The following CCSAP variants were observed in gnomAD, a reference collection of about 807,000 sequenced individuals.
CCSAP encodes the protein centriole, cilia and spindle-associated protein.
Under a neutral mutation model 25.9 loss-of-function variants are expected in CCSAP, and 17 were observed. The ratio of observed to expected loss-of-function variants is 0.66; its 90% CI spans 0.45 to 0.99. The LOEUF (loss-of-function observed/expected upper bound fraction) is 0.99. Ranked by LOEUF, CCSAP falls within the 50% of genes least tolerant of loss-of-function variation. The pLI is 0.00. For synonymous variants in CCSAP, 169 were observed against 157.1 expected (o/e 1.08, Z -0.57); for missense variants, 339 against 367.8 (o/e 0.92, Z 0.64).
At chr1:229,329,327 G>C (rs1658013735) in intron 2 of CCSAP, among the ~76,000 whole-genome samples, 1 of 152,246 alleles carries the variant, frequency 6.6e-6, no homozygotes, top group Non-Finnish European at 1.5e-5. Context: ...GAACAGGAAA[G>C]AGAATTCCAG....
rs910903658 is a variant in CCSAP, at chr1:229,321,686, C to G, written c.*3549G>C. On this transcript the variant is annotated 3_prime_UTR_variant, in exon 4 of 4. Coordinates refer to ENST00000284617, the MANE Select transcript of CCSAP (RefSeq NM_145257.5). The stretch of plus-strand genomic sequence containing the variant: ...AAACTATCCATCAAACTGTTTTTTA[C>G]CAAAGCAGTCAACAAGAAAAATTGT... The G allele has an allele frequency of 6.6e-6, 1 of 152,120 alleles. No homozygotes were observed. The highest frequency in any genetic ancestry group is 1.5e-5 in the Non-Finnish European group (1 of 68,018). 9.4% of individuals were successfully genotyped at this position (152,120 alleles called of 1,614,324 possible). A position where few individuals can be genotyped will look rare whatever the true frequency, so the allele number is the denominator to read the frequency against.
chr1:229,333,289 C>G (rs992862551), intron 2 of CCSAP, among the ~76,000 whole-genome samples: 2 of 151,904 alleles, frequency 1.3e-5, no homozygotes, highest in Non-Finnish European at 2.9e-5. Context: ...AAAAATTAGC[C>G]GGGCGTGGTG....
intron 2 of CCSAP, among the ~76,000 whole-genome samples, chr1:229,328,286 A>G (rs1657993350): frequency 1.3e-5 from 2 of 152,056 alleles, no homozygotes; most frequent in African/African-American, 4.8e-5. Flanking sequence ...TTTTGCTCTC[A>G]GTCATGATTT....
intron 2 of CCSAP, among the ~76,000 whole-genome samples, chr1:229,337,670 C>CAAAAAAAAAAAAAAAAAAAAAAAAAAAAA (rs539736168): frequency 1.8e-5 from 1 of 56,070 alleles, no homozygotes; most frequent in Non-Finnish European, 3.6e-5. Flanking sequence ...ATCAAAGGCT[C>CAAAAAAAAAAAAAAAAAAAAAAAAAAAAA]AAAAAAAAAT....
Position 229,321,981 on chromosome 1 carries a change from C to T in CCSAP, c.*3254G>A, listed in dbSNP as rs1657836223. The stretch of plus-strand genomic sequence containing the variant: ...CATTGTATTAGGTATTTTAAGTAAT[C>T]TAGAGATGATTTAAAGCATACAGGA... On this transcript the variant is annotated 3_prime_UTR_variant, in exon 4 of 4. Transcript: ENST00000284617. 6.6e-6 allele frequency: 1 copy of T among 152,066 alleles called. No homozygotes were observed. Among genetic ancestry groups the T allele is most frequent in the South Asian group, 2.1e-4 (1 of 4,820 alleles). The allele number at this position is 152,066 out of a possible 1,614,324, so 9.4% of individuals were successfully genotyped here. A position where few individuals can be genotyped will look rare whatever the true frequency, so the allele number is the denominator to read the frequency against.
At chr1:229,331,971 T>C (rs1658079853) in intron 2 of CCSAP, among the ~76,000 whole-genome samples, 1 of 151,908 alleles carries the variant, frequency 6.6e-6, no homozygotes, top group Non-Finnish European at 1.5e-5. Flanking sequence ...GCCTCCCAAA[T>C]AGCTGGGATT....
At chr1:229,327,948 A>C (rs758903150) in intron 2 of CCSAP, among the ~76,000 whole-genome samples, 6 of 151,944 alleles carry the variant, frequency 3.9e-5, no homozygotes, top group Non-Finnish European at 7.4e-5. Context: ...CCATGAAATC[A>C]GGCCTGGGTC....
intron 2 of CCSAP, among the ~76,000 whole-genome samples, chr1:229,337,678 A>AAAAAAAAAAAAAAAAATATAT: frequency 3.1e-5 from 2 of 65,512 alleles, no homozygotes; most frequent in Admixed American, 1.9e-4. Context: ...CTCAAAAAAA[A>AAAAAAAAAAAAAAAAATATAT]ATATATATAT....
chr1:229,323,829 A>T lies in CCSAP; in HGVS notation c.*1406T>A, dbSNP rs1411590382. 1 of 152,262 alleles carries T rather than the reference A, an allele frequency of 6.6e-6. No individual in the cohort carries two copies. The highest frequency in any genetic ancestry group is 2.4e-5 in the African/African-American group (1 of 41,468). The allele number at this position is 152,262 out of a possible 1,614,324, so 9.4% of individuals were successfully genotyped here. ...ATTGACTATGGTTTTCCAAAGACCC[A>T]GAGAAAAATACTAAGGTAATACTCA... On this transcript the variant is annotated 3_prime_UTR_variant, in exon 4 of 4. Transcript: ENST00000284617.
chr1:229,333,276 C>CA (rs373886100), intron 2 of CCSAP, among the ~76,000 whole-genome samples: 4 of 151,454 alleles, frequency 2.6e-5, no homozygotes, highest in Admixed American at 1.3e-4. Flanking sequence ...ACTAAAAATA[C>CA]AAAAAAATTA....
intron 2 of CCSAP, among the ~76,000 whole-genome samples, chr1:229,335,011 A>G (rs1427211996): frequency 6.6e-6 from 1 of 152,166 alleles, no homozygotes; most frequent in Non-Finnish European, 1.5e-5. Flanking sequence ...ACAGAAGCTG[A>G]GCCCTAGAAA....
chr1:229,325,926 T>C (rs930589259), intron 3 of CCSAP, among the ~76,000 whole-genome samples: 1 of 152,252 alleles, frequency 6.6e-6, no homozygotes, highest in Admixed American at 6.5e-5. Flanking sequence ...GCAGCTTTGT[T>C]GTCTCAAATA....
chr1:229,335,830 G>GC (rs891533033), intron 2 of CCSAP, among the ~76,000 whole-genome samples: 19 of 152,160 alleles, frequency 1.2e-4, no homozygotes, highest in African/African-American at 4.3e-4. Context: ...GGAAACCAGA[G>GC]CAGCAGCAAA....
At chr1:229,333,247 A>G (rs1023076119) in intron 2 of CCSAP, among the ~76,000 whole-genome samples, 6 of 151,896 alleles carry the variant, frequency 4.0e-5, no homozygotes, top group Non-Finnish European at 7.4e-5. Context: ...CCTGGGTAAC[A>G]CGGTGAAACC....
chr1:229,327,323 C>T (rs574038762), intron 2 of CCSAP: 32 of 358,322 alleles, frequency 8.9e-5, no homozygotes, highest in African/African-American at 4.5e-4. Flanking sequence ...GGGCTTTCTC[C>T]GCAATCCCCC....
At chr1:229,334,748 T>C (rs1428725099) in intron 2 of CCSAP, among the ~76,000 whole-genome samples, 1 of 152,080 alleles carries the variant, frequency 6.6e-6, no homozygotes, top group East Asian at 1.9e-4. Flanking sequence ...AATTGGAGGG[T>C]TCAGGTTAAA....
chr1:229,332,842 C>T lies in CCSAP; in HGVS notation c.368-5836G>A, dbSNP rs566856060. 9.9e-5 allele frequency among the ~76,000 whole-genome samples: 15 copies of T among 152,254 alleles called. No individual in the cohort carries two copies. In the South Asian group the frequency reaches 2.7e-3, roughly 27 times the overall value. ...TGGCAGACAGCGCAAATGGAGAACA[C>T]GCCCATCATCACAGAGAGAGCTGTA... On this transcript the variant is annotated intron_variant, in intron 2 of 3. Coordinates refer to ENST00000284617, the MANE Select transcript of CCSAP (RefSeq NM_145257.5).
intron 2 of CCSAP, among the ~76,000 whole-genome samples, chr1:229,328,361 T>C (rs1657995404): frequency 6.6e-6 from 1 of 152,152 alleles, no homozygotes; most frequent in African/African-American, 2.4e-5. Flanking sequence ...AGTGCAGTGG[T>C]GCGATCATGG....
At chr1:229,337,758 A>C (rs1262557302) in intron 2 of CCSAP, among the ~76,000 whole-genome samples, 1 of 145,026 alleles carries the variant, frequency 6.9e-6, no homozygotes, top group East Asian at 2.0e-4. Flanking sequence ...CAAGGGAAAA[A>C]AAAAATCAGA....
Sources: gnomAD v4.1 joint callset for allele counts (sites outside exome capture counted in the v4.1 genomes callset) on GRCh38, gnomAD v4.1.1 for gene constraint, MANE v1.5 for transcripts, NCBI Gene and HGNC (gene_info 2026-07-23, HGNC 2026-07-21) for gene names.